GNAL: variants seen among roughly 807,000 people sequenced by gnomAD.
The protein encoded by GNAL is G protein subunit alpha L.
GNAL carries 18 observed loss-of-function variants against 55.1 expected under a neutral mutation model. The observed-to-expected ratio is 0.33, with a 90% CI of 0.23 to 0.48. GNAL has a LOEUF of 0.48. Ranked by LOEUF, GNAL falls within the 20% of genes least tolerant of loss-of-function variation. The pLI is 0.99. For synonymous variants in GNAL, 253 were observed against 237.0 expected, an observed-to-expected ratio of 1.07 and a Z score of -0.62; for missense variants, 412 against 614.1, an observed-to-expected ratio of 0.67 and a Z score of 3.48.
intron 11 of GNAL, among the ~76,000 whole-genome samples, chr18:11,879,242 C>T (rs1022086919): frequency 1.3e-5 from 2 of 151,728 alleles, no homozygotes; most frequent in African/African-American, 4.8e-5. Flanking sequence ...TACCTCATGA[C>T]ATCTTTAGGA....
chr18:11,869,656 T>C (rs1466661968), intron 9 of GNAL, among the ~76,000 whole-genome samples: 1 of 152,214 alleles, frequency 6.6e-6, no homozygotes, highest in Non-Finnish European at 1.5e-5. Context: ...CATACGCCTA[T>C]AATCCCAGCA....
chr18:11,715,193 C>A (rs186269459), intron 1 of GNAL, among the ~76,000 whole-genome samples: 2 of 151,018 alleles, frequency 1.3e-5, no homozygotes, highest in African/African-American at 4.9e-5. Context: ...GGCGCGGTGG[C>A]TCACGCCTGT....
intron 5 of GNAL, among the ~76,000 whole-genome samples, chr18:11,836,406 A>G (rs2035499187): frequency 1.3e-5 from 2 of 152,182 alleles, no homozygotes; most frequent in South Asian, 4.1e-4. Context: ...AGATCACACC[A>G]TTGCACTCCA....
At chr18:11,755,062 T>C (rs1321420208) in intron 4 of GNAL, among the ~76,000 whole-genome samples, 3 of 151,618 alleles carry the variant, frequency 2.0e-5, no homozygotes, top group African/African-American at 7.3e-5. Context: ...CTTTCAAAAT[T>C]TGTATTGCCT....
At chr18:11,790,351 G>A (rs140662864) in intron 4 of GNAL, among the ~76,000 whole-genome samples, 2 of 152,036 alleles carry the variant, frequency 1.3e-5, no homozygotes, top group African/African-American at 2.4e-5. Flanking sequence ...TCTCCAGGGC[G>A]TTTGTCAGCT....
At position 11,689,830 on chromosome 18, in the gene GNAL, C is replaced by CG; in HGVS notation, c.267_268insG (p.Lys90GlufsTer40). The CG allele has an allele frequency of 6.5e-7, 1 of 1,537,684 alleles. No individual in the cohort carries two copies. The highest frequency in any genetic ancestry group is 8.7e-7 in the Non-Finnish European group (1 of 1,145,102). On this transcript the variant is annotated frameshift_variant, in exon 1 of 12. Coordinates refer to ENST00000334049, the MANE Select transcript of GNAL (RefSeq NM_182978.4). LOFTEE classifies it high-confidence loss of function. ...TGAGTGCCGAGGAGCGCGAGGCGGC[C>CG]AAGGAGCGCGAGGCGGTCAAGGAGG... is the stretch of plus-strand genomic sequence containing the variant.
chr18:11,748,753 C>T (rs1332284485), intron 1 of GNAL, among the ~76,000 whole-genome samples: 1 of 151,980 alleles, frequency 6.6e-6, no homozygotes, highest in Non-Finnish European at 1.5e-5. Flanking sequence ...TTATAGAAAT[C>T]TTGACATTAA....
At chr18:11,871,384 G>A (rs1162172560) in intron 9 of GNAL, among the ~76,000 whole-genome samples, 1 of 151,896 alleles carries the variant, frequency 6.6e-6, no homozygotes, top group African/African-American at 2.4e-5. Flanking sequence ...CCGAGTAGCT[G>A]GGACTGCAGG....
chr18:11,838,396 G>T (rs550615315), intron 5 of GNAL, among the ~76,000 whole-genome samples: 2 of 152,274 alleles, frequency 1.3e-5, no homozygotes, highest in African/African-American at 2.4e-5. Flanking sequence ...ATGGAGCCAG[G>T]TGGACTTGGG....
intron 4 of GNAL, among the ~76,000 whole-genome samples, chr18:11,803,257 G>A (rs548065446): frequency 2.6e-5 from 4 of 152,190 alleles, no homozygotes; most frequent in African/African-American, 9.6e-5. Flanking sequence ...ACAGCCCCTG[G>A]CAACGATGCT....
At chr18:11,714,670 A>G (rs186360225) in intron 1 of GNAL, among the ~76,000 whole-genome samples, 2 of 152,308 alleles carry the variant, frequency 1.3e-5, no homozygotes, top group Non-Finnish European at 2.9e-5. Context: ...AGGGCTCACA[A>G]AGAATTTCCT....
At chr18:11,761,547 G>GGCCT (rs1368718791) in intron 4 of GNAL, among the ~76,000 whole-genome samples, 1 of 152,136 alleles carries the variant, frequency 6.6e-6, no homozygotes, top group Non-Finnish European at 1.5e-5. Context: ...ATTTCGGCTT[G>GGCCT]GCCTGTGTCC....
intron 4 of GNAL, among the ~76,000 whole-genome samples, chr18:11,774,563 A>G (rs2033725404): frequency 6.6e-6 from 1 of 152,200 alleles, no homozygotes; most frequent in South Asian, 2.1e-4. Context: ...AAGCTGTATA[A>G]CTGCAGCAAT....
At chr18:11,710,088 A>G (rs532648378) in intron 1 of GNAL, among the ~76,000 whole-genome samples, 6 of 152,314 alleles carry the variant, frequency 3.9e-5, no homozygotes, top group South Asian at 4.1e-4. Flanking sequence ...CACACTGTTA[A>G]TGTGGTATAT....
chr18:11,771,158 C>T (rs1447321059), intron 4 of GNAL, among the ~76,000 whole-genome samples: 4 of 148,686 alleles, frequency 2.7e-5, no homozygotes. Context: ...GCAGAGGTTA[C>T]AGTGAGCCGA....
At chr18:11,691,854 C>G (rs995889143) in intron 1 of GNAL, among the ~76,000 whole-genome samples, 2 of 152,164 alleles carry the variant, frequency 1.3e-5, no homozygotes, top group Non-Finnish European at 2.9e-5. Context: ...GCAGTGTGCT[C>G]GCTGTGTAAC....
At chr18:11,860,772 C>T (rs965502145) in intron 5 of GNAL, among the ~76,000 whole-genome samples, 1 of 152,180 alleles carries the variant, frequency 6.6e-6, no homozygotes, top group Non-Finnish European at 1.5e-5. Flanking sequence ...GGACTCCGAA[C>T]CCCTGGTGAT....
intron 4 of GNAL, among the ~76,000 whole-genome samples, chr18:11,800,821 G>A (rs896459656): frequency 1.3e-5 from 2 of 152,176 alleles, no homozygotes; most frequent in African/African-American, 4.8e-5. Context: ...AATTATGTAT[G>A]ACTTTCTGAG....
rs1021080904 is a variant in GNAL at position 11,689,430 on chromosome 18, C to G, written c.-134C>G. 1 of 389,392 alleles carries G rather than the reference C, an allele frequency of 2.6e-6. No homozygotes were observed. The highest frequency in any genetic ancestry group is 4.4e-6 in the Non-Finnish European group (1 of 227,192). The allele number at this position is 389,392 out of a possible 1,614,324, so 24.1% of individuals were successfully genotyped here. A position where few individuals can be genotyped will look rare whatever the true frequency, so the allele number is the denominator to read the frequency against. On this transcript the variant is annotated 5_prime_UTR_variant, in exon 1 of 12. Coordinates refer to ENST00000334049, the MANE Select transcript of GNAL (RefSeq NM_182978.4). ...TCCCGCAGCTGGCGGCCGGCAGCGC[C>G]GAACAGGGTCCGGGTGCAGCCCCCT...
Sources: allele counts gnomAD v4.1 joint callset (sites outside exome capture counted in the v4.1 genomes callset), GRCh38; gene constraint gnomAD v4.1.1; transcripts MANE v1.5; gene names NCBI Gene and HGNC (gene_info 2026-07-23, HGNC 2026-07-21).